DIAPH3: variants seen among roughly 807,000 people sequenced by gnomAD.
DIAPH3 encodes diaphanous related formin 3.
A neutral mutation model predicts 144.3 loss-of-function variants in DIAPH3; 117 were observed. The ratio of observed to expected loss-of-function variants is 0.81; its 90% CI spans 0.70 to 0.95. DIAPH3 has a LOEUF of 0.95. Ranked by LOEUF, DIAPH3 falls within the 40% of genes least tolerant of loss-of-function variation. The probability of loss-of-function intolerance (pLI) is 0.00; values close to 1 mark genes in which losing one functional copy is unlikely to be tolerated. For missense variants in DIAPH3, 1,421 were observed against 1,412.7 expected, an observed-to-expected ratio of 1.01 and a Z score of -0.09; for synonymous variants, 519 against 488.9, an observed-to-expected ratio of 1.06 and a Z score of -0.81.
chr13:59,955,725 A>G (rs1377813567), intron 17 of DIAPH3, among the ~76,000 whole-genome samples: 1 of 152,174 alleles, frequency 6.6e-6, no homozygotes, highest in Non-Finnish European at 1.5e-5. Flanking sequence ...AGAAGACAGG[A>G]AGATGTGGGA....
At chr13:59,802,378 A>C (rs988812523) in intron 25 of DIAPH3, among the ~76,000 whole-genome samples, 6 of 151,904 alleles carry the variant, frequency 3.9e-5, no homozygotes, top group African/African-American at 1.2e-4. Context: ...CTAAAGATTA[A>C]GTTTTCTCTG....
chr13:59,900,204 A>G (rs2046354252), intron 20 of DIAPH3, among the ~76,000 whole-genome samples: 1 of 152,220 alleles, frequency 6.6e-6, no homozygotes, highest in Non-Finnish European at 1.5e-5. Flanking sequence ...TATTTTATAA[A>G]GGAATATGCC....
chr13:60,025,404 C>CA (rs370177105), intron 5 of DIAPH3, among the ~76,000 whole-genome samples: 25,276 of 67,672 alleles, frequency 0.37, 4,085 homozygotes, highest in Non-Finnish European at 0.4. Context: ...TTGTGCTTAG[C>CA]AAAAAAAAAA....
At chr13:59,873,529 T>C (rs972942942) in intron 21 of DIAPH3, among the ~76,000 whole-genome samples, 1 of 152,166 alleles carries the variant, frequency 6.6e-6, no homozygotes, top group African/African-American at 2.4e-5. Flanking sequence ...ACTTGTAAAA[T>C]GGCTCGAGAA....
In DIAPH3 at chr13:60,042,858, C is replaced by T. The variant is rs201512455; in HGVS notation, c.496-38G>A. 5.8e-4 allele frequency: 924 copies of T among 1,606,418 alleles called. 2 individuals carry two copies. Among genetic ancestry groups the T allele is most frequent in the Non-Finnish European group, 7.4e-4 (874 of 1,174,724 alleles). The stretch of plus-strand genomic sequence containing the variant: ...TCAAAAAATGTTTTGATTAATACTG[C>T]ATGGAGATTACCCATTAAAAAATAA... On this transcript the variant is annotated intron_variant, in intron 4 of 27. Transcript: ENST00000400324.
chr13:59,882,917 C>A (rs1445484280), intron 20 of DIAPH3, among the ~76,000 whole-genome samples: 3 of 151,100 alleles, frequency 2.0e-5, no homozygotes, highest in African/African-American at 7.3e-5. Flanking sequence ...CTCCTGTAAC[C>A]CCCCCACACA....
intron 1 of DIAPH3, among the ~76,000 whole-genome samples, chr13:60,148,397 T>C (rs1253922982): frequency 6.6e-6 from 1 of 152,214 alleles, no homozygotes; most frequent in Non-Finnish European, 1.5e-5. Flanking sequence ...AATTAAAAAT[T>C]CAGCTCTTTG....
rs141338195 is a variant in DIAPH3 at position 60,028,751 on chromosome 13, A to C, written c.627-12606T>G. 7.7e-3 allele frequency among the ~76,000 whole-genome samples: 1,172 copies of C among 152,146 alleles called. 16 individuals are homozygous for C. The highest frequency in any genetic ancestry group is 0.026 in the African/African-American group (1,089 of 41,500). Reference sequence around the variant, plus strand: ...TGTGATACTCTTTTAAACATGTCAAACTTAACATGTTAAAAAGGGATATTT... The same window carrying C: ...TGTGATACTCTTTTAAACATGTCAACCTTAACATGTTAAAAAGGGATATTT... On this transcript the variant is annotated intron_variant, in intron 5 of 27. Transcript: ENST00000400324.
rs777123654 is a variant in DIAPH3, at chr13:60,015,905, G to A, written c.771+8C>T. 1.5e-5 allele frequency: 24 copies of A among 1,606,044 alleles called. No individual in the cohort carries two copies. In the East Asian group the frequency reaches 4.5e-4, roughly 30 times the overall value. On this transcript the variant is annotated splice_region_variant and intron_variant, in intron 7 of 27. Transcript: ENST00000400324. Reference sequence around the variant, plus strand: ...TGACGGACAAATACTAATTACGTATGTACATACCTGCGTATTCATCAGGGC... The same window carrying A: ...TGACGGACAAATACTAATTACGTATATACATACCTGCGTATTCATCAGGGC...
At chr13:59,756,850 A>G (rs753469449) in intron 27 of DIAPH3, among the ~76,000 whole-genome samples, 18 of 152,234 alleles carry the variant, frequency 1.2e-4, no homozygotes, top group Non-Finnish European at 2.2e-4. Flanking sequence ...TGATAAAAAC[A>G]TACAAATAAA....
In DIAPH3 at chr13:59,974,444, A is replaced by G. The variant is rs964317571; in HGVS notation, c.1558T>C (p.Phe520Leu). 26 of 1,609,070 alleles carry G rather than the reference A, an allele frequency of 1.6e-5. No individual in the cohort carries two copies. The highest frequency in any genetic ancestry group is 2.0e-5 in the Non-Finnish European group (24 of 1,178,652). ...GCCTGAGTTTCTTGGTGGTCGGTAA[A>G]CTCTTTTTCAAACTGAAACAAATTA... The part of the protein sequence containing the change: ...SELYKKFEKE[F>L]TDHQETQAEL... Residue 520 changes from phenylalanine (F) to leucine (L), a missense_variant, in exon 15 of 28, where the codon TTT becomes CTT. Transcript: ENST00000400324.
chr13:59,837,877 T>C (rs1264655433), intron 23 of DIAPH3: 1 of 151,964 alleles, frequency 6.6e-6, no homozygotes, highest in Non-Finnish European at 1.5e-5. Context: ...AACAAACACG[T>C]TAGCCTGAAT....
intron 21 of DIAPH3, among the ~76,000 whole-genome samples, chr13:59,872,880 G>A (rs2044365330): frequency 6.6e-6 from 1 of 152,138 alleles, no homozygotes. Flanking sequence ...GGAAGATGAA[G>A]GCACACAAGC....
chr13:59,681,205 T>C (rs765350045), intron 27 of DIAPH3, among the ~76,000 whole-genome samples: 2 of 152,238 alleles, frequency 1.3e-5, no homozygotes, highest in Non-Finnish European at 2.9e-5. Context: ...CAGTGGCTCA[T>C]GCCTGTAATC....
At chr13:60,059,119 AT>A (rs1181810665) in intron 4 of DIAPH3, among the ~76,000 whole-genome samples, 3 of 151,886 alleles carry the variant, frequency 2.0e-5, no homozygotes, top group Non-Finnish European at 4.4e-5. Flanking sequence ...TCCAGTAAAA[AT>A]TTTTTAATGG....
rs1473285586 is a variant in DIAPH3 at position 59,839,353 on chromosome 13, A to C, written c.2833T>G (p.Leu945Val). 2 of 1,613,680 alleles carry C rather than the reference A, an allele frequency of 1.2e-6. No homozygotes were observed. Among genetic ancestry groups the C allele is most frequent in the East Asian group, 4.5e-5 (2 of 44,818 alleles). ...ELETFPPPED[L>V]HDKFVTKMSR... Reference sequence around the variant, plus strand: ...ATCTTTGTCACAAACTTGTCATGCAAGTCCTCAGGAGGGGGAAAGGTTTCC... The same window carrying C: ...ATCTTTGTCACAAACTTGTCATGCACGTCCTCAGGAGGGGGAAAGGTTTCC... The change falls in exon 23 of 28, where the codon TTG (leucine) becomes GTG (valine). Residue 945 changes from leucine (L) to valine (V), a missense_variant. Coordinates refer to ENST00000400324, the MANE Select transcript of DIAPH3 (RefSeq NM_001042517.2).
At chr13:60,082,242 A>T (rs2057583665) in intron 4 of DIAPH3, among the ~76,000 whole-genome samples, 1 of 151,418 alleles carries the variant, frequency 6.6e-6, no homozygotes, top group African/African-American at 2.4e-5. Context: ...ACATGAAAAA[A>T]ATAAAATGTT....
At chr13:59,898,980 G>A (rs2046286147) in intron 20 of DIAPH3, among the ~76,000 whole-genome samples, 1 of 152,206 alleles carries the variant, frequency 6.6e-6, no homozygotes, top group Non-Finnish European at 1.5e-5. Context: ...AGAGGAACAT[G>A]GAAGGACTAG....
intron 27 of DIAPH3, among the ~76,000 whole-genome samples, chr13:59,719,906 T>C (rs2035253560): frequency 1.3e-5 from 2 of 152,098 alleles, no homozygotes; most frequent in South Asian, 4.1e-4. Context: ...AAATGAAGTA[T>C]AAAAGTCAAT....
Sources: allele counts gnomAD v4.1 joint callset (sites outside exome capture counted in the v4.1 genomes callset), GRCh38; gene constraint gnomAD v4.1.1; transcripts MANE v1.5; gene names NCBI Gene and HGNC (gene_info 2026-07-23, HGNC 2026-07-21).